The following PCDHGA1 variants were observed in gnomAD, a reference collection of about 807,000 sequenced individuals.
The protein encoded by PCDHGA1 is protocadherin gamma-A1.
Under a neutral mutation model 58.0 loss-of-function variants are expected in PCDHGA1, and 32 were observed. That is an observed-to-expected ratio of 0.55 (90% confidence interval 0.42 to 0.74). The LOEUF is 0.74. Ranked by LOEUF, PCDHGA1 falls within the 30% of genes least tolerant of loss-of-function variation. The pLI is 0.00. For missense variants in PCDHGA1, 1,205 were observed against 1,182.3 expected, an observed-to-expected ratio of 1.02 and a Z score of -0.28; for synonymous variants, 498 against 501.1, an observed-to-expected ratio of 0.99 and a Z score of 0.08.
At chr5:141,395,197 T>A in intron 1 of PCDHGA1, 1 of 1,614,012 alleles carries the variant, frequency 6.2e-7, no homozygotes, top group Non-Finnish European at 8.5e-7. Context: ...TTAACATCCG[T>A]AGATTTTCAT....
rs761668802 is a variant in PCDHGA1, at chr5:141,362,348, G to C, written c.2421+29243G>C. ...GGTCTCAGCTCCAAGCCTGGACCTG[G>C]GGTTCTCCCCAATTACAGTGAGGGT... On this transcript the variant is annotated intron_variant, in intron 1 of 3. Transcript: ENST00000517417. 12 of 1,613,904 alleles carry C rather than the reference G, an allele frequency of 7.4e-6. No homozygotes were observed. The highest frequency in any genetic ancestry group is 1.3e-5 in the African/African-American group (1 of 74,934).
chr5:141,393,522 G>C, intron 1 of PCDHGA1: 2 of 1,614,030 alleles, frequency 1.2e-6, no homozygotes, highest in South Asian at 2.2e-5. Flanking sequence ...GGATACAAAT[G>C]ACAATGCCCC....
In PCDHGA1 at chr5:141,356,758, T is replaced by C. The variant is rs1760332568; in HGVS notation, c.2421+23653T>C. On this transcript the variant is annotated intron_variant, in intron 1 of 3. Coordinates refer to ENST00000517417, the MANE Select transcript of PCDHGA1 (RefSeq NM_018912.3). The stretch of plus-strand genomic sequence containing the variant: ...AGGGATCCTATATGCTCTTTGCTCC[T>C]TCGACTATGAGCAGTTTAGAGACCT... The C allele has an allele frequency of 6.8e-6, 11 of 1,613,966 alleles. No individual in the cohort carries two copies. The highest frequency in any genetic ancestry group is 9.3e-6 in the Non-Finnish European group (11 of 1,179,840).
intron 1 of PCDHGA1, among the ~76,000 whole-genome samples, chr5:141,387,115 T>C (rs2090824355): frequency 6.6e-6 from 1 of 152,224 alleles, no homozygotes. Context: ...AATATTCCTG[T>C]AATGAAATCA....
Position 141,331,296 on chromosome 5 carries a change from A to G in PCDHGA1, c.612A>G (p.Glu204=). The G allele has an allele frequency of 1.2e-6, 2 of 1,614,144 alleles. No homozygotes were observed. Among genetic ancestry groups the G allele is most frequent in the Non-Finnish European group, 1.7e-6 (2 of 1,180,030 alleles). Residue 204 remains glutamate, a synonymous_variant, in exon 1 of 4, where the codon GAA becomes GAG. Transcript: ENST00000517417. ...TGCAGAGTCCCTTAGACAGAGAAGAAGAAGCTGTCCACCACCTCATCCTCA... is the reference window on the plus strand; with the variant it reads ...TGCAGAGTCCCTTAGACAGAGAAGAGGAAGCTGTCCACCACCTCATCCTCA... ...MVLQSPLDRE[E]EAVHHLILTA... is the part of the protein sequence containing the mutation.
chr5:141,394,496 G>T (rs779718881), intron 1 of PCDHGA1: 5 of 1,614,118 alleles, frequency 3.1e-6, no homozygotes, highest in Middle Eastern at 1.6e-4. Context: ...ACGCGCCCGA[G>T]ATCCTGTACC....
rs1032814206 is a variant in PCDHGA1, at chr5:141,472,764, T to A, written c.2422-22043T>A. Among the ~76,000 whole-genome samples, 12 of 152,040 alleles carry A rather than the reference T, an allele frequency of 7.9e-5. No individual in the cohort carries two copies. The East Asian group carries it at 2.1e-3, about 27-fold the overall frequency. ...ACTTTGGGAGGCGGAGGCTGGCAGATCACCTGAGGTTGGGAGTTCAAGATC... is the reference window on the plus strand; with the variant it reads ...ACTTTGGGAGGCGGAGGCTGGCAGAACACCTGAGGTTGGGAGTTCAAGATC... On this transcript the variant is annotated intron_variant, in intron 1 of 3. Coordinates refer to ENST00000517417, the MANE Select transcript of PCDHGA1 (RefSeq NM_018912.3).
chr5:141,383,105 G>C (rs775672220), intron 1 of PCDHGA1: 7 of 1,614,030 alleles, frequency 4.3e-6, no homozygotes, highest in Non-Finnish European at 5.9e-6. Flanking sequence ...ATCATCTCCA[G>C]AGGTAGGACG....
chr5:141,475,254 C>T (rs776471860), intron 1 of PCDHGA1, among the ~76,000 whole-genome samples: 9 of 152,208 alleles, frequency 5.9e-5, no homozygotes, highest in Admixed American at 1.3e-4. Flanking sequence ...TGCTCTACAA[C>T]TGAGATCATG....
At chr5:141,507,896 G>A (rs1457319438) in intron 3 of PCDHGA1, among the ~76,000 whole-genome samples, 1 of 152,210 alleles carries the variant, frequency 6.6e-6, no homozygotes, top group African/African-American at 2.4e-5. Flanking sequence ...GGTTCCTGAA[G>A]TCCAGCCCAG....
chr5:141,438,601 T>C (rs2098005462), intron 1 of PCDHGA1, among the ~76,000 whole-genome samples: 6 of 26,284 alleles, frequency 2.3e-4, no homozygotes, highest in African/African-American at 1.3e-3. Flanking sequence ...CATATATATA[T>C]ATATATATAT....
At chr5:141,439,190 C>CA (rs200519543) in intron 1 of PCDHGA1, among the ~76,000 whole-genome samples, 17,650 of 111,626 alleles carry the variant, frequency 0.16, 1,295 homozygotes, top group African/African-American at 0.25. Context: ...GAGACTCTGA[C>CA]AAAAAAAAAA....
At chr5:141,481,587 G>A (rs1276529821) in intron 1 of PCDHGA1, among the ~76,000 whole-genome samples, 1 of 152,198 alleles carries the variant, frequency 6.6e-6, no homozygotes, top group African/African-American at 2.4e-5. Context: ...GGAGGCTGAG[G>A]CCAGCGGATC....
intron 1 of PCDHGA1, chr5:141,441,116 C>G (rs1358636787): frequency 3.3e-5 from 5 of 152,156 alleles, no homozygotes; most frequent in Non-Finnish European, 7.3e-5. Context: ...GTCCAGTGTA[C>G]AGTTGAGACC....
Position 141,491,410 on chromosome 5 carries a change from GA to G in PCDHGA1, c.2422-3396del. 1 of 1,614,142 alleles carries G rather than the reference GA, an allele frequency of 6.2e-7. No homozygotes were observed. The highest frequency in any genetic ancestry group is 8.5e-7 in the Non-Finnish European group (1 of 1,180,034). On this transcript the variant is annotated intron_variant, in intron 1 of 3. Coordinates refer to ENST00000517417, the MANE Select transcript of PCDHGA1 (RefSeq NM_018912.3). This position sits in a 1 kb window ranked among gnomAD's most constrained non-coding sequence, Gnocchi z 6.9. ...GTGCCTTCAGGGAAACGCAGACGGG[GA>G]CGGGGGTGGAGGGCAGTGCTGCAGG...
intron 1 of PCDHGA1, chr5:141,375,637 C>G (rs1331644453): frequency 1.2e-6 from 2 of 1,614,238 alleles, no homozygotes; most frequent in South Asian, 2.2e-5. Context: ...ACGCCCTGCG[C>G]TCCTTCGACT....
intron 1 of PCDHGA1, chr5:141,393,383 A>G: frequency 6.2e-7 from 1 of 1,614,000 alleles, no homozygotes; most frequent in Non-Finnish European, 8.5e-7. Flanking sequence ...ATGGAGCCAT[A>G]AACCCAGAGC....
At chr5:141,457,933 TATTGGC>T (rs2098933012) in intron 1 of PCDHGA1, among the ~76,000 whole-genome samples, 2 of 152,206 alleles carry the variant, frequency 1.3e-5, no homozygotes, top group Non-Finnish European at 2.9e-5. Context: ...AAGGGGCTTT[TATTGGC>T]TCTGCATGTC....
chr5:141,502,514 T>A (rs2099814743), intron 2 of PCDHGA1, among the ~76,000 whole-genome samples: 1 of 152,202 alleles, frequency 6.6e-6, no homozygotes, highest in African/African-American at 2.4e-5. Flanking sequence ...TGTCCCACTA[T>A]CAGTGATGCC....
Sources: gnomAD v4.1 joint callset for allele counts (sites outside exome capture counted in the v4.1 genomes callset) on GRCh38, gnomAD v4.1.1 for gene constraint, Gnocchi (gnomAD v3.1) non-coding constraint, MANE v1.5 for transcripts, NCBI Gene and HGNC (gene_info 2026-07-23, HGNC 2026-07-21) for gene names.